Variants in SPATS2 observed in about 807,000 individuals in gnomAD.
SPATS2 encodes the protein spermatogenesis-associated serine-rich protein 2.
SPATS2 carries 38 observed loss-of-function variants against 63.7 expected under a neutral mutation model. That is an observed-to-expected ratio of 0.60 (90% confidence interval 0.46 to 0.78). The LOEUF (loss-of-function observed/expected upper bound fraction) is 0.78. Among genes scored for constraint, SPATS2 ranks in the 30% least tolerant of loss-of-function variants. The probability of loss-of-function intolerance (pLI) is 0.00; values close to 1 mark genes in which losing one functional copy is unlikely to be tolerated. For missense variants in SPATS2, 588 were observed against 666.2 expected (o/e 0.88, Z 1.29); for synonymous variants, 207 against 232.9 (o/e 0.89, Z 1.01).
intron 2 of SPATS2, among the ~76,000 whole-genome samples, chr12:49,378,677 C>T (rs73295291): frequency 0.19 from 28,409 of 151,814 alleles, 3,643 homozygotes; most frequent in African/African-American, 0.37. Context: ...CTTACTGCAG[C>T]CTCGACCTGC....
At chr12:49,508,396 CAG>C (rs1946688811) in intron 9 of SPATS2, among the ~76,000 whole-genome samples, 1 of 152,074 alleles carries the variant, frequency 6.6e-6, no homozygotes, top group African/African-American at 2.4e-5. Context: ...TTAGTAGAGA[CAG>C]AGTTTCACCA....
chr12:49,500,294 C>T, intron 9 of SPATS2, 89 bp downstream of exon 9: 1 of 1,364,372 alleles, frequency 7.3e-7, no homozygotes, highest in Non-Finnish European at 9.9e-7. Flanking sequence ...TTCATTCATT[C>T]ATGACTAACT....
chr12:49,371,053 A>G (rs917558151), intron 1 of SPATS2, among the ~76,000 whole-genome samples, 175 bp from the exon 2 acceptor site: 4 of 152,234 alleles, frequency 2.6e-5, no homozygotes, highest in Non-Finnish European at 5.9e-5. Flanking sequence ...TAAACTATAC[A>G]TAACAAAAAA....
intron 2 of SPATS2, among the ~76,000 whole-genome samples, chr12:49,455,349 T>C (rs190865434): frequency 1.3e-5 from 2 of 152,278 alleles, no homozygotes; most frequent in East Asian, 1.9e-4. Context: ...GGTGTGTGGA[T>C]AGTTTGGACC....
At chr12:49,478,964 TC>T (rs1359944996) in intron 3 of SPATS2, among the ~76,000 whole-genome samples, 1 of 152,166 alleles carries the variant, frequency 6.6e-6, no homozygotes, top group Non-Finnish European at 1.5e-5. Flanking sequence ...TGTAGGCAGG[TC>T]GTCTCCTACA....
chr12:49,426,205 C>CT (rs1218019445), intron 2 of SPATS2, among the ~76,000 whole-genome samples: 13,381 of 146,230 alleles, frequency 0.092, 654 homozygotes, highest in African/African-American at 0.14. Context: ...TTTTGGTAAA[C>CT]TTTTTTTTTT....
At chr12:49,451,337 T>C (rs1945619784) in intron 2 of SPATS2, among the ~76,000 whole-genome samples, 1 of 152,202 alleles carries the variant, frequency 6.6e-6, no homozygotes, top group Non-Finnish European at 1.5e-5. Context: ...GTCTGGTCAT[T>C]ATAATAAGCA....
At chr12:49,424,589 ATTATATC>A (rs1167229441) in intron 2 of SPATS2, among the ~76,000 whole-genome samples, 2 of 152,198 alleles carry the variant, frequency 1.3e-5, no homozygotes, top group Admixed American at 6.5e-5. Context: ...ATCTGTTACT[ATTATATC>A]TTATATAGTG....
chr12:49,401,092 G>A (rs1191276092), intron 2 of SPATS2, among the ~76,000 whole-genome samples: 1 of 151,882 alleles, frequency 6.6e-6, no homozygotes, highest in African/African-American at 2.4e-5. Flanking sequence ...GCCCAGGCTG[G>A]TCTCAACCTC....
At chr12:49,524,327 C>T (rs1000323280) in intron 12 of SPATS2, among the ~76,000 whole-genome samples, 2 of 152,146 alleles carry the variant, frequency 1.3e-5, no homozygotes, top group Non-Finnish European at 2.9e-5. Context: ...GGAAACTGAA[C>T]ATATGGTCTG....
chr12:49,452,077 T>C (rs1945632414), intron 2 of SPATS2, among the ~76,000 whole-genome samples: 2 of 152,328 alleles, frequency 1.3e-5, no homozygotes, highest in South Asian at 4.1e-4. Flanking sequence ...ATGATATGTC[T>C]AGATGTGGAT....
chr12:49,372,940 TTGTGTGTG>T (rs56940721), intron 2 of SPATS2, among the ~76,000 whole-genome samples: 14,598 of 129,864 alleles, frequency 0.11, 844 homozygotes, highest in African/African-American at 0.14. Context: ...ATTTTCTGTT[TTGTGTGTG>T]TGTGTGTGTG....
chr12:49,411,743 C>T (rs2137363019), intron 2 of SPATS2, among the ~76,000 whole-genome samples: 1 of 152,278 alleles, frequency 6.6e-6, no homozygotes, highest in East Asian at 1.9e-4. Flanking sequence ...GTTGGAAGTG[C>T]TCACACAATG....
chr12:49,459,746 C>T (rs1011176350), intron 2 of SPATS2, among the ~76,000 whole-genome samples: 11 of 122,436 alleles, frequency 9.0e-5, no homozygotes, highest in Non-Finnish European at 1.7e-4. Context: ...CACGTCCCCC[C>T]CCCCCCCCAT....
intron 2 of SPATS2, among the ~76,000 whole-genome samples, chr12:49,405,654 G>GCAGTGAGCCGAGATCA (rs2137323554): frequency 6.6e-6 from 1 of 152,174 alleles, no homozygotes; most frequent in South Asian, 2.1e-4. Flanking sequence ...AGCCGAGGTT[G>GCAGTGAGCCGAGATCA]CAGTGAGCCG....
At chr12:49,462,751 C>T (rs773501910) in intron 3 of SPATS2, 2 of 416,730 alleles carry the variant, frequency 4.8e-6, no homozygotes, top group Non-Finnish European at 8.7e-6. Flanking sequence ...CTGTCTCCAG[C>T]TAGTTTTTTC....
intron 9 of SPATS2, among the ~76,000 whole-genome samples, chr12:49,507,720 C>T (rs1166964614): frequency 1.3e-5 from 2 of 152,120 alleles, no homozygotes; most frequent in Admixed American, 6.6e-5. Flanking sequence ...GATCTTTTCA[C>T]TTAAAATTAG....
rs1340379027 is a variant in SPATS2, at chr12:49,462,315, TGA to T, written c.25+1280_25+1281del. Reference sequence around the variant, plus strand: ...TGAACAAGGAAGGAACTGGAGGGCATGAGTGCTGGAACCGGCTGGCTGCTTCA... The same window carrying T: ...TGAACAAGGAAGGAACTGGAGGGCATGTGCTGGAACCGGCTGGCTGCTTCA... On this transcript the variant is annotated intron_variant, in intron 3 of 13. Coordinates refer to ENST00000552918, the MANE Select transcript of SPATS2 (RefSeq NM_023071.4). 1.0e-5 allele frequency: 7 copies of T among 702,256 alleles called. No homozygotes were observed. In the Admixed American group the frequency reaches 1.2e-4, roughly 12 times the overall value. The allele number at this position is 702,256 out of a possible 1,614,324, so 43.5% of individuals were successfully genotyped here. A position where few individuals can be genotyped will look rare whatever the true frequency, so the allele number is the denominator to read the frequency against.
chr12:49,408,508 C>G (rs1165470169), intron 2 of SPATS2, among the ~76,000 whole-genome samples: 2 of 148,028 alleles, frequency 1.4e-5, no homozygotes, highest in Non-Finnish European at 3.0e-5. Flanking sequence ...CTGCCTTGGC[C>G]TCCCAAAGTG....
Sources: allele counts gnomAD v4.1 joint callset (sites outside exome capture counted in the v4.1 genomes callset), GRCh38; gene constraint gnomAD v4.1.1; transcripts MANE v1.5; gene names NCBI Gene and HGNC (gene_info 2026-07-23, HGNC 2026-07-21).